ATP8A2: variants seen among roughly 807,000 people sequenced by gnomAD.
The protein encoded by ATP8A2 is ATPase phospholipid transporting 8A2, also known as phospholipid-transporting ATPase IB.
In ATP8A2, 100 loss-of-function variants were observed where a neutral mutation model predicts 165.6. The observed-to-expected ratio is 0.60, with a 90% CI of 0.51 to 0.71. ATP8A2 has a LOEUF of 0.71. Among genes scored for constraint, ATP8A2 ranks in the 30% least tolerant of loss-of-function variants. ATP8A2 has a pLI of 0.00. For synonymous variants in ATP8A2, 543 were observed against 548.8 expected, an observed-to-expected ratio of 0.99 and a Z score of 0.15; for missense variants, 1,227 against 1,479.5, an observed-to-expected ratio of 0.83 and a Z score of 2.80.
chr13:25,535,149 T>G (rs781430695), intron 6 of ATP8A2, among the ~76,000 whole-genome samples: 1 of 152,134 alleles, frequency 6.6e-6, no homozygotes, highest in African/African-American at 2.4e-5. Flanking sequence ...CAGGGGTAAC[T>G]AGCTGCGGAA....
chr13:25,784,949 G>A (rs965297784), intron 27 of ATP8A2, among the ~76,000 whole-genome samples: 1 of 151,676 alleles, frequency 6.6e-6, no homozygotes, highest in African/African-American at 2.4e-5. Flanking sequence ...TTTTTTAATA[G>A]AGATGGGGTT....
intron 2 of ATP8A2, among the ~76,000 whole-genome samples, chr13:25,485,766 A>G (rs529341379): frequency 2.6e-5 from 4 of 152,230 alleles, no homozygotes; most frequent in Non-Finnish European, 5.9e-5. Flanking sequence ...TCAGGAATTT[A>G]GTAGTTCTCT....
chr13:25,747,242 G>A (rs765069449), intron 25 of ATP8A2, among the ~76,000 whole-genome samples: 14 of 152,130 alleles, frequency 9.2e-5, no homozygotes, highest in Non-Finnish European at 1.8e-4. Context: ...TAGAGGATTC[G>A]TGCCTGTTAG....
At position 25,813,161 on chromosome 13, in the gene ATP8A2, T is replaced by C. The variant is rs138791747; in HGVS notation, c.2680-14957T>C. 7.0e-3 allele frequency among the ~76,000 whole-genome samples: 1,059 copies of C among 152,048 alleles called. 20 individuals are homozygous for C. Among genetic ancestry groups the C allele is most frequent in the African/African-American group, 0.025 (1,021 of 41,434 alleles). On this transcript the variant is annotated intron_variant, in intron 27 of 36. Coordinates refer to ENST00000381655, the MANE Select transcript of ATP8A2 (RefSeq NM_016529.6). ...AGGTGCAGCAAACCACCATAGCACA[T>C]GTTTACCTATGTAACAAACCTGCAC...
At chr13:25,738,642 G>T (rs964744272) in intron 25 of ATP8A2, among the ~76,000 whole-genome samples, 1 of 152,232 alleles carries the variant, frequency 6.6e-6, no homozygotes. Flanking sequence ...CAGCTGGCTT[G>T]CTTCTGCTCA....
chr13:25,933,325 G>A (rs1414935911), intron 33 of ATP8A2, among the ~76,000 whole-genome samples: 2 of 152,180 alleles, frequency 1.3e-5, no homozygotes, highest in Non-Finnish European at 2.9e-5. Flanking sequence ...ATGCAGGATA[G>A]CCTGGCAGTT....
At chr13:25,800,686 C>T (rs956195235) in intron 27 of ATP8A2, among the ~76,000 whole-genome samples, 3 of 152,068 alleles carry the variant, frequency 2.0e-5, no homozygotes, top group African/African-American at 7.2e-5. Context: ...AGAAGTAACT[C>T]CCTGGGCGAT....
chr13:25,933,267 C>T (rs3783126), intron 33 of ATP8A2, among the ~76,000 whole-genome samples: 68,442 of 152,018 alleles, frequency 0.45, 17,024 homozygotes, highest in East Asian at 0.7. Context: ...CCTCGCTTGG[C>T]GGGGATGTTC....
At chr13:25,641,360 C>T (rs1166535508) in intron 24 of ATP8A2, among the ~76,000 whole-genome samples, 1 of 152,148 alleles carries the variant, frequency 6.6e-6, no homozygotes, top group Non-Finnish European at 1.5e-5. Flanking sequence ...AAAACCCCAT[C>T]GTTTCAGCCC....
intron 33 of ATP8A2, among the ~76,000 whole-genome samples, chr13:25,933,126 A>C (rs1954808091): frequency 6.6e-6 from 1 of 152,184 alleles, no homozygotes. Context: ...CCCCAAAGGG[A>C]TTACAGGCAT....
intron 24 of ATP8A2, among the ~76,000 whole-genome samples, chr13:25,679,490 C>T (rs1040121579): frequency 6.6e-6 from 1 of 152,102 alleles, no homozygotes; most frequent in Non-Finnish European, 1.5e-5. Context: ...TCAAGGTAAG[C>T]GTAGTTTTCT....
rs1230503475 is a variant in ATP8A2 at position 25,808,613 on chromosome 13, AT to A, written c.2680-19495del. ...GACTCCATCTCAAAAAAAAAAAAAAATTTTTTTTTTGTAGAGTTGTCTCACT... is the reference window on the plus strand; with the variant it reads ...GACTCCATCTCAAAAAAAAAAAAAAATTTTTTTTTGTAGAGTTGTCTCACT... On this transcript the variant is annotated intron_variant, in intron 27 of 36. Transcript: ENST00000381655. 3.7e-3 allele frequency among the ~76,000 whole-genome samples: 547 copies of A among 147,320 alleles called. 4 individuals are homozygous for A. The highest frequency in any genetic ancestry group is 0.013 in the African/African-American group (500 of 39,902).
At chr13:25,512,650 T>C (rs1259090633) in intron 2 of ATP8A2, among the ~76,000 whole-genome samples, 32 of 102,480 alleles carry the variant, frequency 3.1e-4, no homozygotes, top group African/African-American at 6.3e-4. Context: ...ACCCCCCACC[T>C]CCCTCCCGGA....
chr13:25,941,198 C>T (rs897970375), intron 33 of ATP8A2, among the ~76,000 whole-genome samples: 15 of 152,140 alleles, frequency 9.9e-5, no homozygotes, highest in African/African-American at 3.1e-4. Context: ...CCATCTGGCT[C>T]TTGCTTGACT....
chr13:25,615,028 A>C (rs1015944802), intron 24 of ATP8A2, among the ~76,000 whole-genome samples: 2 of 152,206 alleles, frequency 1.3e-5, no homozygotes, highest in Non-Finnish European at 2.9e-5. Context: ...ATAGGGGGAT[A>C]CAAGCTTGCC....
chr13:25,958,301 T>TAA (rs369653808), intron 33 of ATP8A2, among the ~76,000 whole-genome samples: 23 of 150,202 alleles, frequency 1.5e-4, no homozygotes, highest in Admixed American at 2.6e-4. Context: ...AGGTATAATT[T>TAA]AAAAAAAAAA....
At chr13:25,967,598 A>G (rs1955808376) in intron 34 of ATP8A2, among the ~76,000 whole-genome samples, 1 of 152,130 alleles carries the variant, frequency 6.6e-6, no homozygotes, top group Non-Finnish European at 1.5e-5. Flanking sequence ...CCTCACATGT[A>G]TTTATATTTA....
intron 24 of ATP8A2, among the ~76,000 whole-genome samples, chr13:25,679,317 T>G (rs1305246194): frequency 2.6e-5 from 4 of 152,072 alleles, no homozygotes; most frequent in Non-Finnish European, 5.9e-5. Flanking sequence ...GTAAGCACAG[T>G]GAAAAAATTG....
rs566301963 is a variant in ATP8A2, at chr13:25,889,930, A to G, written c.3183+27522A>G. On this transcript the variant is annotated intron_variant, in intron 33 of 36. Transcript: ENST00000381655. ...GTAATCCCAGCACTTTGGAAGGCCA[A>G]CGCAGGCAGATCACGAGGTTAGGAG... 9.2e-5 allele frequency among the ~76,000 whole-genome samples: 14 copies of G among 152,190 alleles called. No individual in the cohort carries two copies. The East Asian group carries it at 1.2e-3, about 13-fold the overall frequency.
Sources: gnomAD v4.1 joint callset for allele counts (sites outside exome capture counted in the v4.1 genomes callset) on GRCh38, gnomAD v4.1.1 for gene constraint, MANE v1.5 for transcripts, NCBI Gene and HGNC (gene_info 2026-07-23, HGNC 2026-07-21) for gene names.